Variants in SV2B observed in about 807,000 individuals in gnomAD.
SV2B encodes the protein synaptic vesicle glycoprotein 2B.
Under a neutral mutation model 73.9 loss-of-function variants are expected in SV2B, and 41 were observed. The observed-to-expected ratio is 0.56, with a 90% CI of 0.43 to 0.72. SV2B has a LOEUF of 0.72. Ranked by LOEUF, SV2B falls within the 30% of genes least tolerant of loss-of-function variation. The pLI, the probability that SV2B is intolerant of heterozygous loss-of-function variation, is 0.00. For missense variants in SV2B, 764 were observed against 857.8 expected, an observed-to-expected ratio of 0.89 and a Z score of 1.37; for synonymous variants, 314 against 314.2, an observed-to-expected ratio of 1.00 and a Z score of 0.01.
At chr15:91,198,450 C>CGTGTGTGT (rs1225238820) in intron 1 of SV2B, among the ~76,000 whole-genome samples, 2 of 97,510 alleles carry the variant, frequency 2.1e-5, no homozygotes, top group African/African-American at 9.6e-5. Flanking sequence ...CCAAGAAGCA[C>CGTGTGTGT]GTGTATGTGT....
Position 91,226,166 on chromosome 15 carries a change from A to T in SV2B, c.-98A>T, listed in dbSNP as rs929856098. ...TCACATGAACATATTTCACATTTGA[A>T]CTACATAATGAATGATGGTTATTGA... On this transcript the variant is annotated 5_prime_UTR_variant, in exon 2 of 13. Transcript: ENST00000394232. 1.4e-5 allele frequency: 17 copies of T among 1,174,226 alleles called. No homozygotes were observed. In the African/African-American group the frequency reaches 2.6e-4, roughly 18 times the overall value. 72.7% of individuals were successfully genotyped at this position (1,174,226 alleles called of 1,614,324 possible).
chr15:91,226,084 T>C lies in SV2B; in HGVS notation c.-180T>C. ...GATATTTAGGTTGTCTTTGCACAAA[T>C]CTGGTTGATTTGAGAGATAAAGGGG... On this transcript the variant is annotated 5_prime_UTR_variant, in exon 2 of 13. Transcript: ENST00000394232. 4.8e-6 allele frequency: 3 copies of C among 630,426 alleles called. No homozygotes were observed. Among genetic ancestry groups the C allele is most frequent in the Non-Finnish European group, 8.1e-6 (3 of 370,528 alleles). The allele number at this position is 630,426 out of a possible 1,614,324, so 39.1% of individuals were successfully genotyped here.
intron 1 of SV2B, among the ~76,000 whole-genome samples, chr15:91,193,408 T>A (rs1168841186): frequency 2.0e-5 from 3 of 151,064 alleles, no homozygotes; most frequent in Non-Finnish European, 4.4e-5. Flanking sequence ...GTTGGATATT[T>A]AAAAAAAAAC....
At chr15:91,282,309 C>T (rs1461875635) in intron 10 of SV2B, among the ~76,000 whole-genome samples, 1 of 152,210 alleles carries the variant, frequency 6.6e-6, no homozygotes, top group African/African-American at 2.4e-5. Context: ...GGGAAAATTA[C>T]ATCTGTTCAC....
chr15:91,216,920 C>G (rs1468458835), intron 1 of SV2B, among the ~76,000 whole-genome samples: 1 of 140,642 alleles, frequency 7.1e-6, no homozygotes, highest in Non-Finnish European at 1.5e-5. Context: ...CCGAGCCTTG[C>G]TCTGTTGCCC....
In SV2B at chr15:91,239,495, C is replaced by T. The variant is rs919801837; in HGVS notation, c.452-12324C>T. Among the ~76,000 whole-genome samples, 1 of 152,080 alleles carries T rather than the reference C, an allele frequency of 6.6e-6. No individual in the cohort carries two copies. Among genetic ancestry groups the T allele is most frequent in the Non-Finnish European group, 1.5e-5 (1 of 68,026 alleles). The stretch of plus-strand genomic sequence containing the variant: ...CTCCTAGCATGCCCTTCGTTTCTGA[C>T]TTGAAGAAACTGAGCCCCAAGGAGA... On this transcript the variant is annotated intron_variant, in intron 2 of 12. Coordinates refer to ENST00000394232, the MANE Select transcript of SV2B (RefSeq NM_001323032.3). The surrounding 1 kb of genome is among the most constrained non-coding windows in gnomAD (Gnocchi z 5.1).
intron 1 of SV2B, among the ~76,000 whole-genome samples, chr15:91,154,107 A>G (rs1032633756): frequency 2.0e-5 from 3 of 147,978 alleles, no homozygotes; most frequent in Admixed American, 1.4e-4. Context: ...TTTATAATAT[A>G]AATTATTTTA....
intron 1 of SV2B, among the ~76,000 whole-genome samples, chr15:91,175,323 C>T (rs958542831): frequency 4.6e-5 from 7 of 151,914 alleles, no homozygotes; most frequent in East Asian, 3.9e-4. Flanking sequence ...GGCACGATCT[C>T]GGCTTACTGC....
intron 1 of SV2B, among the ~76,000 whole-genome samples, chr15:91,209,626 C>T (rs1304202939): frequency 1.3e-5 from 2 of 152,130 alleles, no homozygotes; most frequent in African/African-American, 4.8e-5. Context: ...TATGGGGAAG[C>T]CCAGATATGA....
rs778406772 is a variant in SV2B, at chr15:91,226,249, T to G, written c.-15T>G. ...TATAGCTCAAGGGGCAACCAGGCAG[T>G]CGCAGAACCAAGGAATGGATGACTA... On this transcript the variant is annotated 5_prime_UTR_variant, in exon 2 of 13. Transcript: ENST00000394232. The G allele has an allele frequency of 6.2e-7, 1 of 1,613,762 alleles. No individual in the cohort carries two copies. The highest frequency in any genetic ancestry group is 1.7e-4 in the Middle Eastern group (1 of 6,052).
chr15:91,248,759 C>G (rs1223638574), intron 2 of SV2B, among the ~76,000 whole-genome samples: 1 of 152,178 alleles, frequency 6.6e-6, no homozygotes, highest in African/African-American at 2.4e-5. Context: ...CCATCTCAGG[C>G]CTGCTGGATC....
rs776183422 is a variant in SV2B at position 91,268,482 on chromosome 15, A to G, written c.1250A>G (p.Tyr417Cys). The change falls in exon 9 of 13, where the codon TAT becomes TGT. Residue 417 changes from tyrosine to cysteine, a missense_variant. Coordinates refer to ENST00000394232, the MANE Select transcript of SV2B (RefSeq NM_001323032.3). The surrounding 1 kb of genome is among the most constrained non-coding windows in gnomAD (Gnocchi z 4.4). Reference protein sequence around the residue: ...LTVWFPDMIRYFQDEEYKSKM... With the variant: ...LTVWFPDMIRCFQDEEYKSKM... ...GTTTGGTTTCCTGATATGATCCGCT[A>G]TTTTCAAGATGAAGAATACAAGTCT... 1.1e-5 allele frequency: 18 copies of G among 1,613,930 alleles called. No homozygotes were observed. The highest frequency in any genetic ancestry group is 5.3e-5 in the African/African-American group (4 of 74,898).
At chr15:91,188,893 C>G (rs564070379) in intron 1 of SV2B, among the ~76,000 whole-genome samples, 47 of 152,212 alleles carry the variant, frequency 3.1e-4, no homozygotes, top group African/African-American at 1.1e-3. Flanking sequence ...GTGGTGCAAT[C>G]TCAGCTCACT....
At chr15:91,182,017 C>G (rs965641255) in intron 1 of SV2B, among the ~76,000 whole-genome samples, 1 of 152,020 alleles carries the variant, frequency 6.6e-6, no homozygotes, top group African/African-American at 2.4e-5. Flanking sequence ...ACATTTTGCA[C>G]TTCTTTTGTT....
intron 1 of SV2B, among the ~76,000 whole-genome samples, chr15:91,143,429 C>T (rs568568171): frequency 2.2e-3 from 342 of 152,208 alleles, no homozygotes; most frequent in African/African-American, 7.7e-3. Context: ...GTGGCGCTTG[C>T]GGCGGCAGCA....
In SV2B at chr15:91,214,978, G is replaced by A. The variant is rs988363747; in HGVS notation, c.-391-10895G>A. ...AGTCGTACTGCAGGCTGGGACCATT[G>A]TTGCTGACCCCAGGGCTGCAGGGTA... On this transcript the variant is annotated intron_variant, in intron 1 of 12. Transcript: ENST00000394232. The surrounding 1 kb of genome is among the most constrained non-coding windows in gnomAD (Gnocchi z 4.7). Among the ~76,000 whole-genome samples, 1 of 152,222 alleles carries A rather than the reference G, an allele frequency of 6.6e-6. No individual in the cohort carries two copies. The highest frequency in any genetic ancestry group is 6.5e-5 in the Admixed American group (1 of 15,294).
At chr15:91,276,482 T>C (rs778151081) in intron 9 of SV2B, among the ~76,000 whole-genome samples, 3 of 152,096 alleles carry the variant, frequency 2.0e-5, no homozygotes, top group Non-Finnish European at 4.4e-5. Context: ...AGCTCTTAGA[T>C]GTTTTTCTCT....
chr15:91,209,608 C>A (rs191092016), intron 1 of SV2B, among the ~76,000 whole-genome samples: 70 of 152,320 alleles, frequency 4.6e-4, no homozygotes, highest in African/African-American at 1.7e-3. Context: ...ATGTGATATT[C>A]TGTAATATAT....
At chr15:91,196,881 A>G (rs902126731) in intron 1 of SV2B, among the ~76,000 whole-genome samples, 1 of 152,324 alleles carries the variant, frequency 6.6e-6, no homozygotes, top group African/African-American at 2.4e-5. Flanking sequence ...CTCGCCAAGC[A>G]GGGAGATCAG....
Sources: gnomAD v4.1 joint callset for allele counts (sites outside exome capture counted in the v4.1 genomes callset) on GRCh38, gnomAD v4.1.1 for gene constraint, Gnocchi (gnomAD v3.1) non-coding constraint, MANE v1.5 for transcripts, NCBI Gene and HGNC (gene_info 2026-07-23, HGNC 2026-07-21) for gene names.